The following VRK2 variants were observed in gnomAD, a reference collection of about 807,000 sequenced individuals.
The protein encoded by VRK2 is VRK serine/threonine kinase 2.
Under a neutral mutation model 57.6 loss-of-function variants are expected in VRK2, and 60 were observed. The observed-to-expected ratio is 1.04, with a 90% CI of 0.85 to 1.29. The LOEUF (loss-of-function observed/expected upper bound fraction) is 1.29, where lower values mean the gene tolerates loss of function less well. VRK2 is among the 50% of genes most tolerant of loss of function. VRK2 has a pLI of 0.00. For synonymous variants in VRK2, 231 were observed against 199.2 expected, an observed-to-expected ratio of 1.16 and a Z score of -1.35; for missense variants, 705 against 588.1, an observed-to-expected ratio of 1.20 and a Z score of -2.06.
At chr2:58,136,845 TATATC>T (rs1366285614) in intron 10 of VRK2, among the ~76,000 whole-genome samples, 36 of 129,144 alleles carry the variant, frequency 2.8e-4, no homozygotes, top group African/African-American at 1.1e-3. Context: ...TCATATATAT[TATATC>T]ATATATATGT....
intron 12 of VRK2, among the ~76,000 whole-genome samples, chr2:58,149,612 G>C (rs1682692807): frequency 6.6e-6 from 1 of 151,400 alleles, no homozygotes; most frequent in African/African-American, 2.4e-5. Context: ...TCCTTGCTTG[G>C]TTCCTGATCT....
intron 1 of VRK2, among the ~76,000 whole-genome samples, chr2:57,977,819 G>T (rs527604792): frequency 1.3e-5 from 2 of 151,160 alleles, no homozygotes; most frequent in African/African-American, 4.9e-5. Flanking sequence ...AATGATTCCA[G>T]CTTCTGCTCG....
intron 7 of VRK2, among the ~76,000 whole-genome samples, chr2:58,106,360 G>T (rs752846887): frequency 6.6e-6 from 1 of 151,980 alleles, no homozygotes; most frequent in Non-Finnish European, 1.5e-5. Context: ...TAATCAAACA[G>T]GCTTTGATGT....
chr2:58,036,999 T>C (rs1302757892), intron 3 of VRK2, among the ~76,000 whole-genome samples: 1 of 151,960 alleles, frequency 6.6e-6, no homozygotes, highest in Non-Finnish European at 1.5e-5. Context: ...AGTGTAGTGG[T>C]GCAGTCACTA....
At chr2:58,041,005 A>G in intron 3 of VRK2, 1 of 982,868 alleles carries the variant, frequency 1.0e-6, no homozygotes, top group Non-Finnish European at 1.2e-6. Flanking sequence ...CTTAAAAATC[A>G]TTCGGCCAGC....
intron 7 of VRK2, among the ~76,000 whole-genome samples, chr2:58,097,695 G>A (rs1673352649): frequency 6.6e-6 from 1 of 152,110 alleles, no homozygotes; most frequent in Non-Finnish European, 1.5e-5. Context: ...CCATAGTAAT[G>A]CCATAGGGCA....
chr2:57,943,022 T>C (rs1360520833), intron 1 of VRK2, among the ~76,000 whole-genome samples: 1 of 152,228 alleles, frequency 6.6e-6, no homozygotes, highest in Non-Finnish European at 1.5e-5. Context: ...TAATTTTATA[T>C]AGGCATTATA....
At chr2:58,081,470 C>A (rs1428597239) in intron 2 of VRK2, among the ~76,000 whole-genome samples, 1 of 151,598 alleles carries the variant, frequency 6.6e-6, no homozygotes. Flanking sequence ...TTTTCTTTTT[C>A]TTTAAACCTT....
chr2:58,072,090 A>G (rs1425927919), intron 2 of VRK2, among the ~76,000 whole-genome samples: 1 of 151,972 alleles, frequency 6.6e-6, no homozygotes, highest in Non-Finnish European at 1.5e-5. Flanking sequence ...ATGTTATTTA[A>G]GAAAAAAACT....
intron 3 of VRK2, among the ~76,000 whole-genome samples, chr2:58,034,768 GT>G (rs149760514): frequency 1.6e-4 from 24 of 149,484 alleles, no homozygotes; most frequent in Admixed American, 9.4e-4. Flanking sequence ...GGTTCCAGAG[GT>G]TTTTTTTAAA....
chr2:58,087,225 A>T (rs1166450996), intron 5 of VRK2, among the ~76,000 whole-genome samples: 1 of 152,128 alleles, frequency 6.6e-6, no homozygotes, highest in Non-Finnish European at 1.5e-5. Flanking sequence ...TATTCCATAG[A>T]TGAGAGAATA....
chr2:58,044,167 T>C (rs1674579047), upstream of VRK2, among the ~76,000 whole-genome samples: 1 of 152,254 alleles, frequency 6.6e-6, no homozygotes, highest in Admixed American at 6.5e-5. Flanking sequence ...CTAGCTGTTC[T>C]AACATTTGTT....
intron 1 of VRK2, among the ~76,000 whole-genome samples, chr2:57,933,309 CTTTT>C (rs71394403): frequency 1.6e-5 from 1 of 63,320 alleles, no homozygotes; most frequent in East Asian, 5.1e-4. Flanking sequence ...CTTTCTTTTT[CTTTT>C]TTTTTTTTTT....
At chr2:58,031,441 A>C (rs1049924962) in intron 2 of VRK2, among the ~76,000 whole-genome samples, 7 of 152,182 alleles carry the variant, frequency 4.6e-5, no homozygotes, top group Non-Finnish European at 1.0e-4. Context: ...TATGACTGTT[A>C]ATCTCCTCCT....
intron 8 of VRK2, among the ~76,000 whole-genome samples, chr2:58,123,853 GAA>G (rs74271857): frequency 7.4e-6 from 1 of 134,964 alleles, no homozygotes. Context: ...AGACCCCTCA[GAA>G]AAAAAAAAAA....
chr2:58,081,452 T>C (rs956171899), intron 2 of VRK2, among the ~76,000 whole-genome samples: 2 of 152,008 alleles, frequency 1.3e-5, no homozygotes, highest in African/African-American at 4.8e-5. Context: ...TTATTTATTC[T>C]AACTGTGTTT....
At chr2:57,970,086 G>GTA (rs981264859) in intron 1 of VRK2, among the ~76,000 whole-genome samples, 6 of 149,746 alleles carry the variant, frequency 4.0e-5, no homozygotes, top group African/African-American at 1.2e-4. Context: ...CATATAAAAT[G>GTA]TATATATATA....
At chr2:57,939,288 T>C (rs544462790) in intron 1 of VRK2, among the ~76,000 whole-genome samples, 1 of 152,332 alleles carries the variant, frequency 6.6e-6, no homozygotes, top group South Asian at 2.1e-4. Context: ...TTCATTGTCT[T>C]TTCCAAAGTT....
intron 12 of VRK2, among the ~76,000 whole-genome samples, chr2:58,149,574 C>T (rs1371469295): frequency 2.6e-5 from 4 of 151,374 alleles, no homozygotes; most frequent in Non-Finnish European, 5.9e-5. Context: ...TCTAGTATTA[C>T]GTTGAATAGA....
Sources: gnomAD v4.1 joint callset for allele counts (sites outside exome capture counted in the v4.1 genomes callset) on GRCh38, gnomAD v4.1.1 for gene constraint, MANE v1.5 for transcripts, NCBI Gene and HGNC (gene_info 2026-07-23, HGNC 2026-07-21) for gene names.